PATZ1: variants seen among roughly 807,000 people sequenced by gnomAD.
PATZ1 encodes POZ/BTB and AT hook containing zinc finger 1.
A neutral mutation model predicts 46.2 loss-of-function variants in PATZ1; 9 were observed. That is an observed-to-expected ratio of 0.19 (90% CI 0.12 to 0.34). The LOEUF is 0.34. Ranked by LOEUF, PATZ1 falls within the 10% of genes least tolerant of loss-of-function variation. The pLI is 1.00. For missense variants in PATZ1, 632 were observed against 923.0 expected (o/e 0.68, Z 4.08); for synonymous variants, 426 against 378.6 (o/e 1.13, Z -1.45).
intron 1 of PATZ1, among the ~76,000 whole-genome samples, 194 bp downstream of exon 1, chr22:31,344,138 C>A (rs1038080827): frequency 1.3e-5 from 2 of 152,192 alleles, no homozygotes; most frequent in Non-Finnish European, 2.9e-5. Flanking sequence ...AAAAAAACTT[C>A]CCTGAGGGAA....
chr22:31,327,295 A>C lies in PATZ1; in HGVS notation c.1660T>G (p.Ser554Ala). Residue 554 changes from serine (S) to alanine (A), a missense_variant, in exon 5 of 5, where the codon TCA becomes GCA. Ser to Ala is a moderately conservative substitution (Grantham distance 99). Transcript: ENST00000266269. The surrounding 1 kb of genome is among the most constrained non-coding windows in gnomAD (Gnocchi z 4.2). ...GAGCTCTCAATCGGATCCTGATGTGAGCATTTCTGGCCTTCTACGAAAAAA... is the reference window on the plus strand; with the variant it reads ...GAGCTCTCAATCGGATCCTGATGTGCGCATTTCTGGCCTTCTACGAAAAAA... ...TYGNKEGQKC[S>A]HQDPIESSDS... 4 of 1,613,278 alleles carry C rather than the reference A, an allele frequency of 2.5e-6. No individual in the cohort carries two copies. The highest frequency in any genetic ancestry group is 3.4e-6 in the Non-Finnish European group (4 of 1,179,492).
chr22:31,340,703 C>G, intron 2 of PATZ1: 3 of 1,037,542 alleles, frequency 2.9e-6, no homozygotes, highest in Non-Finnish European at 3.5e-6. Context: ...TTTATCATCA[C>G]TCCTGTTCAC....
At chr22:31,340,349 T>C (rs2145824934) in intron 2 of PATZ1, among the ~76,000 whole-genome samples, 1 of 152,340 alleles carries the variant, frequency 6.6e-6, no homozygotes, top group East Asian at 1.9e-4. Flanking sequence ...GGACTGTGCC[T>C]AGCCAGTGGG....
intron 2 of PATZ1, among the ~76,000 whole-genome samples, chr22:31,342,555 C>T (rs376728368): frequency 7.2e-5 from 11 of 152,084 alleles, no homozygotes; most frequent in African/African-American, 2.7e-4. Context: ...TCAGGCCCAG[C>T]GCAGTGCCGG....
At chr22:31,344,238 A>T (rs2049619525) in intron 1 of PATZ1, 94 bp downstream of exon 1, 1 of 1,147,188 alleles carries the variant, frequency 8.7e-7, no homozygotes, top group Non-Finnish European at 1.2e-6. Context: ...AGGTCAAATG[A>T]CCCCCACAAA....
chr22:31,345,894 G>A lies in PATZ1; in HGVS notation c.-292C>T. 2.8e-6 allele frequency: 1 copy of A among 357,114 alleles called. No homozygotes were observed. The highest frequency in any genetic ancestry group is 4.2e-5 in the East Asian group (1 of 23,998). 22.1% of individuals were successfully genotyped at this position (357,114 alleles called of 1,614,324 possible). A position where few individuals can be genotyped will look rare whatever the true frequency, so the allele number is the denominator to read the frequency against. Reference sequence around the variant, plus strand: ...CCTTCCCGGTCTACCTTCCGGGGGGGTGCGCGAGCGAAGAGGTGCGCCCCT... The same window carrying A: ...CCTTCCCGGTCTACCTTCCGGGGGGATGCGCGAGCGAAGAGGTGCGCCCCT... On this transcript the variant is annotated 5_prime_UTR_variant, in exon 1 of 5. Coordinates refer to ENST00000266269, the MANE Select transcript of PATZ1 (RefSeq NM_014323.3). This position sits in a 1 kb window ranked among gnomAD's most constrained non-coding sequence, Gnocchi z 7.4.
chr22:31,345,834 G>A lies in PATZ1; in HGVS notation c.-232C>T. On this transcript the variant is annotated 5_prime_UTR_variant, in exon 1 of 5. Coordinates refer to ENST00000266269, the MANE Select transcript of PATZ1 (RefSeq NM_014323.3). The surrounding 1 kb of genome is among the most constrained non-coding windows in gnomAD (Gnocchi z 7.4). Reference sequence around the variant, plus strand: ...AGCCAACCCCCGCCCTCGCTGGACTGCGCGCCACTCTCTCCTCTCCGCCCG... The same window carrying A: ...AGCCAACCCCCGCCCTCGCTGGACTACGCGCCACTCTCTCCTCTCCGCCCG... 4.6e-6 allele frequency: 2 copies of A among 435,978 alleles called. No individual in the cohort carries two copies. Among genetic ancestry groups the A allele is most frequent in the East Asian group, 3.5e-5 (1 of 28,438 alleles). 27.0% of individuals were successfully genotyped at this position (435,978 alleles called of 1,614,324 possible).
chr22:31,344,311 G>A (rs1404853069), intron 1 of PATZ1, 21 bp downstream of exon 1: 1 of 1,570,938 alleles, frequency 6.4e-7, no homozygotes, highest in Admixed American at 1.8e-5. Context: ...GGCAGGGGAG[G>A]AAGAGGGGGC....
intron 2 of PATZ1, chr22:31,340,831 C>T: frequency 4.7e-6 from 5 of 1,061,374 alleles, no homozygotes; most frequent in Non-Finnish European, 5.7e-6. Flanking sequence ...TAAAGCTACT[C>T]ATTAGTTTGG....
In PATZ1 at chr22:31,337,276, C is replaced by T. The variant is rs1190155794; in HGVS notation, c.1336-1413G>A. ...GCAACCCATCCTGACAGCAGCCCTCCGAGGCAAGCTGTGTGATCACCCTCC... is the reference window on the plus strand; with the variant it reads ...GCAACCCATCCTGACAGCAGCCCTCTGAGGCAAGCTGTGTGATCACCCTCC... On this transcript the variant is annotated intron_variant, in intron 2 of 4. Coordinates refer to ENST00000266269, the MANE Select transcript of PATZ1 (RefSeq NM_014323.3). Among the ~76,000 whole-genome samples the T allele has an allele frequency of 3.3e-5, 5 of 152,286 alleles. No homozygotes were observed. The East Asian group carries it at 5.8e-4, about 18-fold the overall frequency.
intron 1 of PATZ1, chr22:31,343,246 G>T (rs1021706011): frequency 9.4e-6 from 11 of 1,172,420 alleles, no homozygotes; most frequent in Non-Finnish European, 1.2e-5. Flanking sequence ...GTGTTTTCTA[G>T]GACCAGAGGC....
At chr22:31,334,801 A>T (rs1310255646) in intron 3 of PATZ1, among the ~76,000 whole-genome samples, 1 of 152,178 alleles carries the variant, frequency 6.6e-6, no homozygotes, top group Non-Finnish European at 1.5e-5. Context: ...CTCCTGGTTC[A>T]GTGCTGCACC....
intron 3 of PATZ1, 73 bp downstream of exon 3, chr22:31,335,619 T>C (rs932690438): frequency 2.4e-5 from 34 of 1,441,460 alleles, no homozygotes; most frequent in Middle Eastern, 2.3e-4. Flanking sequence ...GGCAGGGTGA[T>C]TGAGACACCC....
intron 1 of PATZ1, 70 bp from the exon 2 acceptor site, chr22:31,343,030 A>G: frequency 6.2e-7 from 1 of 1,606,794 alleles, no homozygotes; most frequent in Non-Finnish European, 8.5e-7. Flanking sequence ...ACATATGCAT[A>G]CGTGTGTACA....
At position 31,326,736 on chromosome 22, in the gene PATZ1, T is replaced by C; in HGVS notation, c.*155A>G. ...CTATTTCTAAAGACCATTGGGAGAATGGGTGGTGGAGAAGGAGTTGGAGTG... is the reference window on the plus strand; with the variant it reads ...CTATTTCTAAAGACCATTGGGAGAACGGGTGGTGGAGAAGGAGTTGGAGTG... On this transcript the variant is annotated 3_prime_UTR_variant, in exon 5 of 5. Transcript: ENST00000266269. 1 of 619,910 alleles carries C rather than the reference T, an allele frequency of 1.6e-6. No individual in the cohort carries two copies. The highest frequency in any genetic ancestry group is 1.8e-5 in the African/African-American group (1 of 54,250). 38.4% of individuals were successfully genotyped at this position (619,910 alleles called of 1,614,324 possible). A position where few individuals can be genotyped will look rare whatever the true frequency, so the allele number is the denominator to read the frequency against.
intron 2 of PATZ1, chr22:31,341,319 T>C: frequency 9.4e-6 from 14 of 1,496,162 alleles, no homozygotes; most frequent in Non-Finnish European, 1.2e-5. Flanking sequence ...GGAACCACCC[T>C]GCTAGCCTCT....
chr22:31,345,105 GGGTACC>G lies in PATZ1; in HGVS notation c.492_497del (p.Val165_Pro166del). ...AGAGCATTATATCGGCGCGGGCAGGGGGTACCAGGATCTGTACGTTGGACTGTTTGA... is the reference window on the plus strand; with the variant it reads ...AGAGCATTATATCGGCGCGGGCAGGGAGGATCTGTACGTTGGACTGTTTGA... On this transcript the variant is annotated inframe_deletion, in exon 1 of 5. Transcript: ENST00000266269. This position sits in a 1 kb window ranked among gnomAD's most constrained non-coding sequence, Gnocchi z 7.4. 4 of 1,614,190 alleles carry G rather than the reference GGGTACC, an allele frequency of 2.5e-6. No individual in the cohort carries two copies. The highest frequency in any genetic ancestry group is 3.4e-6 in the Non-Finnish European group (4 of 1,180,034).
chr22:31,336,292 T>C (rs1262625230), intron 2 of PATZ1, among the ~76,000 whole-genome samples: 1 of 152,252 alleles, frequency 6.6e-6, no homozygotes, highest in Non-Finnish European at 1.5e-5. Flanking sequence ...TCTGTATCCC[T>C]GGGTTTCCCC....
chr22:31,344,822 G>T lies in PATZ1; in HGVS notation c.781C>A (p.Leu261Met), dbSNP rs1192023392. The T allele has an allele frequency of 6.2e-7, 1 of 1,611,132 alleles. No individual in the cohort carries two copies. The highest frequency in any genetic ancestry group is 2.2e-5 in the East Asian group (1 of 44,858). Residue 261 changes from leucine to methionine, a missense_variant, in exon 1 of 5, where the codon CTG (leucine) becomes ATG (methionine). Transcript: ENST00000266269. The stretch of plus-strand genomic sequence containing the variant: ...CGGCCCCGGCCTCGCTTGCCAGTCA[G>T]GGGAGGGGCACTGGATGCCACACTG... ...FPSVASSAPP[L>M]TGKRGRGRPR...
Sources: allele counts gnomAD v4.1 joint callset (sites outside exome capture counted in the v4.1 genomes callset), GRCh38; gene constraint gnomAD v4.1.1; non-coding constraint Gnocchi (gnomAD v3.1); transcripts MANE v1.5; gene names NCBI Gene and HGNC (gene_info 2026-07-23, HGNC 2026-07-21).